ELP4: variants seen among roughly 807,000 people sequenced by gnomAD.
ELP4 encodes elongator acetyltransferase complex subunit 4.
ELP4 carries 51 observed loss-of-function variants against 48.9 expected under a neutral mutation model. The ratio of observed to expected loss-of-function variants is 1.04; its 90% CI spans 0.83 to 1.32. ELP4 has a LOEUF of 1.32. Among genes scored for constraint, ELP4 ranks in the 40% most tolerant of loss-of-function variants. The pLI is 0.00. For synonymous variants in ELP4, 210 were observed against 189.2 expected (o/e 1.11, Z -0.90); for missense variants, 519 against 514.6 (o/e 1.01, Z -0.08).
chr11:31,670,668 A>C (rs1290775343), intron 9 of ELP4, among the ~76,000 whole-genome samples: 6 of 152,162 alleles, frequency 3.9e-5, no homozygotes, highest in African/African-American at 1.4e-4. Context: ...ACAAAGTGAA[A>C]ATTTCAAGCA....
chr11:31,549,463 C>T (rs1240915458), intron 3 of ELP4, among the ~76,000 whole-genome samples: 22 of 151,918 alleles, frequency 1.4e-4, no homozygotes, highest in Admixed American at 3.3e-4. Context: ...GTTAGAATGG[C>T]AATCATTAAA....
At chr11:31,781,325 C>T (rs1266300401) in intron 9 of ELP4, among the ~76,000 whole-genome samples, 1 of 151,764 alleles carries the variant, frequency 6.6e-6, no homozygotes, top group East Asian at 1.9e-4. Flanking sequence ...TTTTCTTTTG[C>T]TCATTAGCAA....
At chr11:31,780,829 T>C in intron 9 of ELP4, 1 of 152,222 alleles carries the variant, frequency 6.6e-6, no homozygotes, top group East Asian at 1.9e-4. Flanking sequence ...TCATTTAGAT[T>C]ATCAGAGCAG....
Position 31,693,157 on chromosome 11 carries a change from TTTATTATTA to T in ELP4, c.1143+42947_1143+42955del, listed in dbSNP as rs377241285. Among the ~76,000 whole-genome samples the T allele has an allele frequency of 2.0e-5, 3 of 151,688 alleles. No individual in the cohort carries two copies. In the East Asian group the frequency reaches 5.8e-4, roughly 29 times the overall value. On this transcript the variant is annotated intron_variant, in intron 9 of 9. Coordinates refer to ENST00000640961, the MANE Select transcript of ELP4 (RefSeq NM_019040.5). ...ATGGAAATAATCTTAAACTCGTTTT[TTTATTATTA>T]TTATTATTATACTTTAAGTTCTAGG...
At chr11:31,658,607 T>C (rs961113986) in intron 9 of ELP4, among the ~76,000 whole-genome samples, 7 of 151,932 alleles carry the variant, frequency 4.6e-5, no homozygotes, top group African/African-American at 1.7e-4. Context: ...GTGTGCCAAA[T>C]TTAATTACAA....
At chr11:31,584,687 G>A (rs183935226) in intron 3 of ELP4, among the ~76,000 whole-genome samples, 375 of 151,946 alleles carry the variant, frequency 2.5e-3, no homozygotes, top group Middle Eastern at 0.01. Context: ...GCCATTTTTT[G>A]TATTTTTTTG....
chr11:31,668,502 T>G (rs1276354823), intron 9 of ELP4, among the ~76,000 whole-genome samples: 1 of 151,900 alleles, frequency 6.6e-6, no homozygotes, highest in Admixed American at 6.6e-5. Context: ...TTTTTTTTTT[T>G]TCCCCAAGAG....
chr11:31,744,926 A>T (rs1285302419), intron 9 of ELP4, among the ~76,000 whole-genome samples: 1 of 152,184 alleles, frequency 6.6e-6, no homozygotes, highest in Non-Finnish European at 1.5e-5. Context: ...AGGGTATTCA[A>T]TTAGGAAAAG....
intron 2 of ELP4, among the ~76,000 whole-genome samples, chr11:31,534,250 G>A (rs897808237): frequency 1.3e-5 from 2 of 149,388 alleles, no homozygotes; most frequent in Admixed American, 6.7e-5. Context: ...TATAAGGATG[G>A]GGAGAGAGGT....
chr11:31,549,633 C>G lies in ELP4; in HGVS notation c.381+9850C>G, dbSNP rs1236709061. Among the ~76,000 whole-genome samples, 20 of 152,164 alleles carry G rather than the reference C, an allele frequency of 1.3e-4. No homozygotes were observed. The East Asian group carries it at 3.7e-3, about 28-fold the overall frequency. ...ACCATTTGACCCAGCCATCCCATTA[C>G]TGGGTATATACCCAAAGGACTATAA... On this transcript the variant is annotated intron_variant, in intron 3 of 9. Coordinates refer to ENST00000640961, the MANE Select transcript of ELP4 (RefSeq NM_019040.5).
intron 9 of ELP4, among the ~76,000 whole-genome samples, chr11:31,765,021 G>A (rs995469413): frequency 6.6e-6 from 1 of 152,120 alleles, no homozygotes; most frequent in East Asian, 1.9e-4. Flanking sequence ...TCCCCCTGAC[G>A]ACTGCTACTG....
intron 5 of ELP4, among the ~76,000 whole-genome samples, chr11:31,607,077 A>G (rs781333517): frequency 2.0e-5 from 3 of 152,166 alleles, no homozygotes; most frequent in African/African-American, 7.2e-5. Context: ...GGGAGCATGC[A>G]AGAATGAAAG....
chr11:31,731,567 GGTGTGTGT>G (rs148076836), intron 9 of ELP4, among the ~76,000 whole-genome samples: 15 of 142,760 alleles, frequency 1.1e-4, no homozygotes, highest in East Asian at 2.0e-4. Flanking sequence ...CCATTAAGCA[GGTGTGTGT>G]GTGTGTGTGT....
intron 5 of ELP4, among the ~76,000 whole-genome samples, chr11:31,623,729 C>T (rs1399461660): frequency 6.6e-6 from 1 of 150,472 alleles, no homozygotes; most frequent in African/African-American, 2.4e-5. Flanking sequence ...AAAGAACCCC[C>T]CTATTCTGTG....
intron 7 of ELP4, chr11:31,647,505 A>G (rs911820661): frequency 2.6e-5 from 9 of 340,070 alleles, no homozygotes; most frequent in Non-Finnish European, 4.3e-5. Flanking sequence ...CTACCAATTT[A>G]TGTTTTCCCT....
intron 2 of ELP4, among the ~76,000 whole-genome samples, chr11:31,531,287 T>G (rs1956391890): frequency 6.6e-6 from 1 of 152,208 alleles, no homozygotes; most frequent in African/African-American, 2.4e-5. Flanking sequence ...GTTTGTTGTT[T>G]TTTCCTCTAA....
intron 2 of ELP4, among the ~76,000 whole-genome samples, chr11:31,538,564 A>G (rs1044068640): frequency 3.4e-4 from 51 of 151,194 alleles, no homozygotes; most frequent in African/African-American, 1.2e-3. Context: ...GAAGAAAAGC[A>G]TTGCATCTTA....
At chr11:31,768,689 CAAAAT>C (rs1723196924) in intron 9 of ELP4, among the ~76,000 whole-genome samples, 2 of 152,002 alleles carry the variant, frequency 1.3e-5, no homozygotes, top group Non-Finnish European at 2.9e-5. Flanking sequence ...GCATGCAGAA[CAAAAT>C]AAAATAAGAT....
At chr11:31,541,367 A>G (rs1033837246) in intron 3 of ELP4, 4 of 151,958 alleles carry the variant, frequency 2.6e-5, no homozygotes, top group Admixed American at 6.6e-5. Context: ...TTTTTACAAT[A>G]TTTCTTGGTG....
Sources: gnomAD v4.1 joint callset for allele counts (sites outside exome capture counted in the v4.1 genomes callset) on GRCh38, gnomAD v4.1.1 for gene constraint, MANE v1.5 for transcripts, NCBI Gene and HGNC (gene_info 2026-07-23, HGNC 2026-07-21) for gene names.